LRRC4C: variants seen among roughly 807,000 people sequenced by gnomAD.
The protein encoded by LRRC4C is leucine-rich repeat-containing protein 4C.
Under a neutral mutation model 33.6 loss-of-function variants are expected in LRRC4C, and 5 were observed. The ratio of observed to expected loss-of-function variants is 0.15; its 90% CI spans 0.08 to 0.31. LRRC4C has a LOEUF of 0.31. LRRC4C is among the 10% of genes least tolerant of loss of function. The pLI, the probability that LRRC4C is intolerant of heterozygous loss-of-function variation, is 1.00. For synonymous variants in LRRC4C, 329 were observed against 302.0 expected, an observed-to-expected ratio of 1.09 and a Z score of -0.93; for missense variants, 560 against 796.7, an observed-to-expected ratio of 0.70 and a Z score of 3.58.
chr11:41,452,494 T>C, intron 1 of LRRC4C, among the ~76,000 whole-genome samples: 1 of 152,134 alleles, frequency 6.6e-6, no homozygotes. Flanking sequence ...CTTGACAGTT[T>C]TAAGTGGAAG....
At chr11:41,260,848 A>C (rs1460602635) in intron 1 of LRRC4C, among the ~76,000 whole-genome samples, 1 of 152,102 alleles carries the variant, frequency 6.6e-6, no homozygotes, top group African/African-American at 2.4e-5. Context: ...AAAAGTTTCA[A>C]TGCAGAAGCC....
At chr11:41,255,793 G>A (rs1948780774) in intron 1 of LRRC4C, among the ~76,000 whole-genome samples, 1 of 151,934 alleles carries the variant, frequency 6.6e-6, no homozygotes, top group African/African-American at 2.4e-5. Context: ...ACTCTGCTAA[G>A]TCCCAGTATG....
intron 1 of LRRC4C, among the ~76,000 whole-genome samples, chr11:41,108,191 C>T (rs1006271256): frequency 6.6e-6 from 1 of 151,986 alleles, no homozygotes; most frequent in Non-Finnish European, 1.5e-5. Context: ...TAGTCTTTTT[C>T]CCCTTCCCCT....
chr11:40,235,892 T>A (rs938989027), intron 5 of LRRC4C, among the ~76,000 whole-genome samples: 1 of 152,180 alleles, frequency 6.6e-6, no homozygotes, highest in African/African-American at 2.4e-5. Flanking sequence ...ATTATTTGTA[T>A]TCTTATTTTT....
chr11:40,384,081 T>G (rs10768599), intron 3 of LRRC4C, among the ~76,000 whole-genome samples: 2 of 151,358 alleles, frequency 1.3e-5, no homozygotes, highest in African/African-American at 4.9e-5. Context: ...TTCTATACTG[T>G]GGAGAAGTTT....
At chr11:40,527,551 AC>A (rs2135280860) in intron 3 of LRRC4C, among the ~76,000 whole-genome samples, 1 of 152,122 alleles carries the variant, frequency 6.6e-6, no homozygotes, top group Non-Finnish European at 1.5e-5. Context: ...AGGTGTCATG[AC>A]CCTCAGTCTT....
chr11:40,749,288 G>C (rs1024381114), intron 2 of LRRC4C, among the ~76,000 whole-genome samples: 1 of 151,776 alleles, frequency 6.6e-6, no homozygotes, highest in Non-Finnish European at 1.5e-5. Flanking sequence ...TACCACAATG[G>C]AATAAAATGA....
intron 4 of LRRC4C, among the ~76,000 whole-genome samples, chr11:40,276,282 A>T (rs1428578226): frequency 1.3e-5 from 2 of 152,108 alleles, no homozygotes; most frequent in Non-Finnish European, 2.9e-5. Flanking sequence ...CACATTCTAG[A>T]GACAATAGGA....
intron 1 of LRRC4C, among the ~76,000 whole-genome samples, chr11:41,427,833 G>A (rs930224844): frequency 1.3e-5 from 2 of 152,026 alleles, no homozygotes; most frequent in Admixed American, 6.6e-5. Context: ...GAAAATGGCT[G>A]GTCCCTGCCT....
intron 1 of LRRC4C, among the ~76,000 whole-genome samples, chr11:41,291,346 T>C (rs1367432048): frequency 2.6e-5 from 4 of 152,138 alleles, no homozygotes; most frequent in African/African-American, 9.7e-5. Context: ...ACACTACAAA[T>C]ACATATGCCC....
chr11:41,036,917 C>G (rs1857112655), intron 1 of LRRC4C, among the ~76,000 whole-genome samples: 1 of 152,128 alleles, frequency 6.6e-6, no homozygotes, highest in South Asian at 2.1e-4. Flanking sequence ...TTTATGGGCA[C>G]AAAACATTTG....
chr11:41,082,129 C>T (rs1041915536), intron 1 of LRRC4C, among the ~76,000 whole-genome samples: 4 of 152,054 alleles, frequency 2.6e-5, no homozygotes, highest in Admixed American at 6.6e-5. Context: ...ATGTGTGCAC[C>T]TTAAATCAGT....
intron 5 of LRRC4C, among the ~76,000 whole-genome samples, chr11:40,230,662 G>A (rs1292544817): frequency 1.3e-5 from 2 of 152,152 alleles, no homozygotes; most frequent in African/African-American, 2.4e-5. Flanking sequence ...TCTACCTACA[G>A]ATTGCCAAAA....
At chr11:41,124,467 C>T (rs988353104) in intron 1 of LRRC4C, among the ~76,000 whole-genome samples, 1 of 152,184 alleles carries the variant, frequency 6.6e-6, no homozygotes, top group East Asian at 1.9e-4. Flanking sequence ...TTTCTTCGTT[C>T]TACAGCACTT....
chr11:41,014,867 T>G (rs1590240900), intron 1 of LRRC4C, among the ~76,000 whole-genome samples: 1 of 152,048 alleles, frequency 6.6e-6, no homozygotes, highest in East Asian at 1.9e-4. Context: ...TCGTTTTCAT[T>G]TTTAGTTGAG....
At chr11:41,123,256 G>GTTTTTTTTTTTTTT (rs1456350828) in intron 1 of LRRC4C, among the ~76,000 whole-genome samples, 10 of 107,148 alleles carry the variant, frequency 9.3e-5, no homozygotes, top group South Asian at 3.1e-4. Context: ...CCTGAGCTAT[G>GTTTTTTTTTTTTTT]TTTTGTTTTT....
intron 3 of LRRC4C, among the ~76,000 whole-genome samples, chr11:40,642,017 G>T (rs972580204): frequency 7.9e-6 from 1 of 126,726 alleles, no homozygotes; most frequent in Non-Finnish European, 1.6e-5. Flanking sequence ...GTCACCACAG[G>T]CTGCTTTTTT....
chr11:40,436,352 GA>G (rs1419091838), intron 3 of LRRC4C, among the ~76,000 whole-genome samples: 3 of 152,136 alleles, frequency 2.0e-5, no homozygotes, highest in Non-Finnish European at 2.9e-5. Context: ...CGTGATTATG[GA>G]AAATAGAGAC....
intron 2 of LRRC4C, among the ~76,000 whole-genome samples, chr11:40,884,193 C>G (rs545316468): frequency 6.6e-6 from 1 of 151,904 alleles, no homozygotes; most frequent in Non-Finnish European, 1.5e-5. Flanking sequence ...ATTAGTTTGC[C>G]CAGGATGATG....
Sources: gnomAD v4.1 joint callset for allele counts (sites outside exome capture counted in the v4.1 genomes callset) on GRCh38, gnomAD v4.1.1 for gene constraint, MANE v1.5 for transcripts, NCBI Gene and HGNC (gene_info 2026-07-23, HGNC 2026-07-21) for gene names.